Variants in TNPO3 observed in about 807,000 individuals in gnomAD.
TNPO3 encodes transportin-3.
Under a neutral mutation model 122.8 loss-of-function variants are expected in TNPO3, and 65 were observed. The ratio of observed to expected loss-of-function variants is 0.53; its 90% CI spans 0.43 to 0.65. TNPO3 has a LOEUF of 0.65. Ranked by LOEUF, TNPO3 falls within the 30% of genes least tolerant of loss-of-function variation. TNPO3 has a pLI of 0.00. For synonymous variants in TNPO3, 372 were observed against 411.2 expected (o/e 0.90, Z 1.15); for missense variants, 850 against 1,136.7 (o/e 0.75, Z 3.63).
chr7:128,991,401 C>G (rs531750695), intron 10 of TNPO3, among the ~76,000 whole-genome samples: 1 of 152,152 alleles, frequency 6.6e-6, no homozygotes, highest in Non-Finnish European at 1.5e-5. Flanking sequence ...ATATTAACAT[C>G]GATTTATATA....
chr7:128,971,500 T>A (rs1798488271), intron 19 of TNPO3, among the ~76,000 whole-genome samples: 1 of 152,232 alleles, frequency 6.6e-6, no homozygotes. Flanking sequence ...AAAAATATTT[T>A]TTAAATTGCC....
At chr7:128,997,270 C>CT in intron 8 of TNPO3, 119 bp downstream of exon 8, 2 of 1,099,066 alleles carry the variant, frequency 1.8e-6, no homozygotes, top group Admixed American at 2.5e-5. Flanking sequence ...AAGTGCTGGA[C>CT]TACAGGCATG....
At chr7:129,035,134 C>T (rs927152329) in intron 1 of TNPO3, among the ~76,000 whole-genome samples, 1 of 151,282 alleles carries the variant, frequency 6.6e-6, no homozygotes, top group African/African-American at 2.4e-5. Flanking sequence ...ATTAGCCGGG[C>T]GCGGTGGCGG....
At chr7:128,966,951 C>T (rs916835837) in intron 21 of TNPO3, among the ~76,000 whole-genome samples, 4 of 152,184 alleles carry the variant, frequency 2.6e-5, no homozygotes, top group Admixed American at 2.6e-4. Context: ...TCCTGACCCC[C>T]GAATGTGGAT....
At chr7:129,015,273 C>G in intron 3 of TNPO3, 138 bp from the exon 4 acceptor site, 1 of 782,482 alleles carries the variant, frequency 1.3e-6, no homozygotes, top group Non-Finnish European at 2.0e-6. Context: ...AAGATACAAA[C>G]ATAAATGTCC....
chr7:128,989,919 A>C, intron 11 of TNPO3, 42 bp downstream of exon 11: 1 of 1,591,166 alleles, frequency 6.3e-7, no homozygotes, highest in Non-Finnish European at 8.6e-7. Flanking sequence ...AAATCAGAAA[A>C]ATGACAAGTT....
chr7:128,999,938 A>C (rs1297324264), intron 7 of TNPO3, among the ~76,000 whole-genome samples: 1 of 152,204 alleles, frequency 6.6e-6, no homozygotes, highest in Non-Finnish European at 1.5e-5. Context: ...TACTATAAAG[A>C]GGTAAAACTT....
At position 128,996,469 on chromosome 7, in the gene TNPO3, G is replaced by A. The variant is rs1300093083; in HGVS notation, c.1158+920C>T. ...AATAAGGTACAAAATTTTGGCCAGG[G>A]GCGGTGGCTCACACCTGTAATCTCA... is the stretch of plus-strand genomic sequence containing the variant. On this transcript the variant is annotated intron_variant, in intron 8 of 22. Transcript: ENST00000265388. Among the ~76,000 whole-genome samples the A allele has an allele frequency of 2.6e-5, 4 of 151,950 alleles. No individual in the cohort carries two copies. The East Asian group carries it at 5.8e-4, about 22-fold the overall frequency.
At chr7:128,973,998 A>G (rs1798791368) in intron 18 of TNPO3, among the ~76,000 whole-genome samples, 1 of 151,246 alleles carries the variant, frequency 6.6e-6, no homozygotes, top group Admixed American at 6.6e-5. Flanking sequence ...ACATGGCAAA[A>G]CCCCGTCTCT....
chr7:128,987,730 G>A (rs111482383), intron 11 of TNPO3, among the ~76,000 whole-genome samples: 8,270 of 151,972 alleles, frequency 0.054, 772 homozygotes, highest in African/African-American at 0.19. Context: ...ACAGGCATGC[G>A]TCAAGCCCAG....
intron 17 of TNPO3, 28 bp downstream of exon 17, chr7:128,975,791 G>C: frequency 3.5e-6 from 5 of 1,428,286 alleles, no homozygotes; most frequent in Non-Finnish European, 4.9e-6. Context: ...TAGGCCTGAT[G>C]CGTCTACACT....
chr7:129,013,864 G>C lies in TNPO3; in HGVS notation c.552+1115C>G, dbSNP rs57523942. On this transcript the variant is annotated intron_variant, in intron 4 of 22. Coordinates refer to ENST00000265388, the MANE Select transcript of TNPO3 (RefSeq NM_012470.4). ...ACATTATGTTAAGTGAAGTAAGCCA[G>C]GCACAGAAAGACAAATATCACATGC... 2.1e-3 allele frequency among the ~76,000 whole-genome samples: 324 copies of C among 152,266 alleles called. 3 individuals are homozygous for C. Among genetic ancestry groups the C allele is most frequent in the African/African-American group, 7.2e-3 (301 of 41,554 alleles).
At chr7:128,987,770 T>A (rs1800321906) in intron 11 of TNPO3, among the ~76,000 whole-genome samples, 1 of 151,696 alleles carries the variant, frequency 6.6e-6, no homozygotes, top group African/African-American at 2.4e-5. Context: ...TAGAGACGAT[T>A]GTTTCACCAC....
intron 2 of TNPO3, 122 bp downstream of exon 2, chr7:129,017,835 C>T (rs1176405764): frequency 3.1e-6 from 3 of 953,274 alleles, no homozygotes; most frequent in East Asian, 5.2e-5. Context: ...CTTACAAGAA[C>T]ATAGCAGTAC....
At position 128,979,976 on chromosome 7, in the gene TNPO3, G is replaced by A; in HGVS notation, c.1915C>T (p.Gln639Ter). 1.2e-6 allele frequency: 2 copies of A among 1,614,000 alleles called. No individual in the cohort carries two copies. The highest frequency in any genetic ancestry group is 1.7e-6 in the Non-Finnish European group (2 of 1,179,882). ...AAGCATCCATTAGCACTTACTTCCT[G>A]TATGACTTTCTGACACGGATGAGTC... ...GQTHPCQKVIQEIWPVLSETL... is the reference protein window; with the variant it reads ...GQTHPCQKVI Residue 639 changes from glutamine (Q) to a stop codon, truncating the protein, a stop_gained, in exon 15 of 23, where the codon CAG (glutamine) becomes TAG (stop). Coordinates refer to ENST00000265388, the MANE Select transcript of TNPO3 (RefSeq NM_012470.4). LOFTEE classifies it high-confidence loss of function.
At chr7:128,967,989 C>CTCAA (rs1261381741) in intron 20 of TNPO3, among the ~76,000 whole-genome samples, 3 of 152,120 alleles carry the variant, frequency 2.0e-5, no homozygotes, top group Non-Finnish European at 1.5e-5. Flanking sequence ...AACTCCTGGG[C>CTCAA]TCAAGAGATC....
At chr7:129,001,338 T>C (rs1801927906) in intron 5 of TNPO3, 104 bp from the exon 6 acceptor site, 1 of 906,850 alleles carries the variant, frequency 1.1e-6, no homozygotes, top group Non-Finnish European at 1.6e-6. Context: ...CGATAGAAAA[T>C]ATTCAAAATA....
At chr7:128,997,692 T>C (rs914272819) in intron 7 of TNPO3, among the ~76,000 whole-genome samples, 157 bp from the exon 8 acceptor site, 4 of 152,220 alleles carry the variant, frequency 2.6e-5, no homozygotes, top group Admixed American at 1.3e-4. Flanking sequence ...GATTTACTAT[T>C]ATCTCCCCAA....
At chr7:128,984,366 T>G (rs926616266) in intron 12 of TNPO3, 107 bp from the exon 13 acceptor site, 35 of 628,550 alleles carry the variant, frequency 5.6e-5, no homozygotes, top group Non-Finnish European at 9.3e-5. Flanking sequence ...TTTGGTTCCA[T>G]TCTTTTAAAA....
Sources: gnomAD v4.1 joint callset for allele counts (sites outside exome capture counted in the v4.1 genomes callset) on GRCh38, gnomAD v4.1.1 for gene constraint, MANE v1.5 for transcripts, NCBI Gene and HGNC (gene_info 2026-07-23, HGNC 2026-07-21) for gene names.